PCDH12: variants seen among roughly 807,000 people sequenced by gnomAD.
PCDH12 encodes protocadherin 12.
Under a neutral mutation model 70.9 loss-of-function variants are expected in PCDH12, and 45 were observed. That is an observed-to-expected ratio of 0.63 (90% CI 0.50 to 0.81). PCDH12 has a LOEUF of 0.81. Ranked by LOEUF, PCDH12 falls within the 40% of genes least tolerant of loss-of-function variation. The pLI is 0.00. For synonymous variants in PCDH12, 567 were observed against 626.0 expected (o/e 0.91, Z 1.41); for missense variants, 1,370 against 1,491.7 (o/e 0.92, Z 1.34).
chr5:141,947,434 G>A (rs1035427292), intron 3 of PCDH12, among the ~76,000 whole-genome samples: 1 of 152,208 alleles, frequency 6.6e-6, no homozygotes, highest in Non-Finnish European at 1.5e-5. Context: ...AGCTTGGAAT[G>A]AGAAAATCAC....
In PCDH12 at chr5:141,951,527, C is replaced by G; in HGVS notation, c.2944G>C (p.Gly982Arg). The G allele has an allele frequency of 6.2e-7, 1 of 1,614,208 alleles. No homozygotes were observed. Among genetic ancestry groups the G allele is most frequent in the South Asian group, 1.1e-5 (1 of 91,080 alleles). The change falls in exon 2 of 4, where the codon GGA becomes CGA. Residue 982 changes from glycine to arginine, a missense_variant. Gly to Arg is a moderately radical substitution (Grantham distance 125). Transcript: ENST00000231484. The stretch of plus-strand genomic sequence containing the variant: ...CCTGGCTTGGCCAAGTACTTATTTC[C>G]TCGGTGGTTTGGTTTGGGCTGGAAT... ...GQFQPKPNHR[G>R]NKYLAKPGGS...
Position 141,949,445 on chromosome 5 carries a change from C to T in PCDH12, c.3117G>A (p.Leu1039=). The T allele has an allele frequency of 6.2e-7, 1 of 1,613,504 alleles. No individual in the cohort carries two copies. Among genetic ancestry groups the T allele is most frequent in the Non-Finnish European group, 8.5e-7 (1 of 1,179,662 alleles). ...QLLEEELSSL[L]DPSTGLALDR... ...GGGGGTCCCTACCTGTGCTGGGGTCCAGCAGACTTGACAGCTCTTCTTCTA... is the reference window on the plus strand; with the variant it reads ...GGGGGTCCCTACCTGTGCTGGGGTCTAGCAGACTTGACAGCTCTTCTTCTA... Residue 1039 remains leucine (L), a synonymous_variant, in exon 3 of 4, where the codon CTG becomes CTA. Coordinates refer to ENST00000231484, the MANE Select transcript of PCDH12 (RefSeq NM_016580.4).
At position 141,957,554 on chromosome 5, in the gene PCDH12, G is replaced by A; in HGVS notation, c.298C>T (p.Gln100Ter). ...RRLDREQLCR[Q>*]WDPCLVSFDV... ...AAGGAAACCAGGCAGGGATCCCACT[G>A]TCGGCACAGCTGCTCTCGATCCAGC... The change falls in exon 1 of 4, where the codon CAG (glutamine) becomes TAG (stop). Residue 100 changes from glutamine to a stop codon, truncating the protein, a stop_gained. Coordinates refer to ENST00000231484, the MANE Select transcript of PCDH12 (RefSeq NM_016580.4). LOFTEE classifies it high-confidence loss of function. This position sits in a 1 kb window ranked among gnomAD's most constrained non-coding sequence, Gnocchi z 4.3. The A allele has an allele frequency of 6.2e-7, 1 of 1,614,216 alleles. No individual in the cohort carries two copies. The highest frequency in any genetic ancestry group is 8.5e-7 in the Non-Finnish European group (1 of 1,180,048).
At chr5:141,952,861 A>G (rs1012589465) in intron 1 of PCDH12, 15 of 152,226 alleles carry the variant, frequency 9.9e-5, no homozygotes, top group African/African-American at 3.4e-4. Context: ...TCCTGGGTCC[A>G]TCCCCATTCC....
chr5:141,946,009 C>G (rs1261808790), intron 3 of PCDH12, among the ~76,000 whole-genome samples: 1 of 152,168 alleles, frequency 6.6e-6, no homozygotes, highest in African/African-American at 2.4e-5. Context: ...GACTGACACA[C>G]CCGGGCGAAC....
intron 3 of PCDH12, among the ~76,000 whole-genome samples, chr5:141,946,479 C>T (rs955144548): frequency 1.6e-4 from 24 of 152,208 alleles, no homozygotes; most frequent in Admixed American, 1.4e-3. Flanking sequence ...CACCACCCTA[C>T]CCTCTCTCTG....
rs773024219 is a variant in PCDH12, at chr5:141,951,540, T to C, written c.2931A>G (p.Lys977=). 3.7e-6 allele frequency: 6 copies of C among 1,614,100 alleles called. No individual in the cohort carries two copies. The highest frequency in any genetic ancestry group is 5.1e-6 in the Non-Finnish European group (6 of 1,180,042). ...AGTACTTATTTCCTCGGTGGTTTGG[T>C]TTGGGCTGGAATTGGCCCTGATGCA... ...SLLHQGQFQP[K]PNHRGNKYLA... is the part of the protein sequence containing the mutation. The change falls in exon 2 of 4, where the codon AAA becomes AAG. Residue 977 remains lysine, a synonymous_variant. Transcript: ENST00000231484.
intron 2 of PCDH12, 67 bp from the exon 3 acceptor site, chr5:141,949,650 T>A (rs1596642712): frequency 6.5e-7 from 1 of 1,550,280 alleles, no homozygotes; most frequent in Admixed American, 1.9e-5. Flanking sequence ...TTCATGCCCA[T>A]TCATGTTTGC....
At position 141,945,302 on chromosome 5, in the gene PCDH12, T is replaced by TA. The variant is rs1752878998; in HGVS notation, c.*78dup. 4 of 1,498,798 alleles carry TA rather than the reference T, an allele frequency of 2.7e-6. No individual in the cohort carries two copies. The South Asian group carries it at 5.3e-5, about 20-fold the overall frequency. The allele number at this position is 1,498,798 out of a possible 1,614,324, so 92.8% of individuals were successfully genotyped here. A position where few individuals can be genotyped will look rare whatever the true frequency, so the allele number is the denominator to read the frequency against. On this transcript the variant is annotated 3_prime_UTR_variant, in exon 4 of 4. Transcript: ENST00000231484. Reference sequence around the variant, plus strand: ...CTCAGGCCGCCGCTAGCTAGTGAGTTACAAGATTTTAGAAACCAGCTCTTG... The same window carrying TA: ...CTCAGGCCGCCGCTAGCTAGTGAGTTAACAAGATTTTAGAAACCAGCTCTTG...
chr5:141,957,005 G>A lies in PCDH12; in HGVS notation c.847C>T (p.Leu283Phe). 1 of 1,614,190 alleles carries A rather than the reference G, an allele frequency of 6.2e-7. No individual in the cohort carries two copies. The highest frequency in any genetic ancestry group is 8.5e-7 in the Non-Finnish European group (1 of 1,180,028). ...ACCTCTGGAGGCATGTGCTTACTGA[G>A]GAAGAACTCCACCTCCCCATTGGGG... The part of the protein sequence containing the change: ...QGPNGEVEFF[L>F]SKHMPPEVLD... The change falls in exon 1 of 4, where the codon CTC becomes TTC. Residue 283 changes from leucine (L) to phenylalanine (F), a missense_variant. Coordinates refer to ENST00000231484, the MANE Select transcript of PCDH12 (RefSeq NM_016580.4). The surrounding 1 kb of genome is among the most constrained non-coding windows in gnomAD (Gnocchi z 4.3).
intron 3 of PCDH12, among the ~76,000 whole-genome samples, chr5:141,946,511 C>A (rs989429821): frequency 6.6e-6 from 1 of 152,208 alleles, no homozygotes; most frequent in Non-Finnish European, 1.5e-5. Context: ...CTTCCTCCCC[C>A]TGGATACTCC....
In PCDH12 at chr5:141,955,572, G is replaced by T. The variant is rs756895774; in HGVS notation, c.2280C>A (p.Arg760=). The change falls in exon 1 of 4, where the codon CGC becomes CGA. Residue 760 remains arginine, a synonymous_variant. Coordinates refer to ENST00000231484, the MANE Select transcript of PCDH12 (RefSeq NM_016580.4). This position sits in a 1 kb window ranked among gnomAD's most constrained non-coding sequence, Gnocchi z 5.5. ...YNCREAESTY[R]QQPKRPQKHI... ...GTTTCTGGGGCCTCTTGGGCTGCTG[G>T]CGGTAGGTGGACTCGGCCTCCCGAC... 10 of 1,614,218 alleles carry T rather than the reference G, an allele frequency of 6.2e-6. No individual in the cohort carries two copies. The highest frequency in any genetic ancestry group is 8.5e-6 in the Non-Finnish European group (10 of 1,180,036).
chr5:141,955,655 G>A lies in PCDH12; in HGVS notation c.2197C>T (p.Leu733=). The A allele has an allele frequency of 1.9e-6, 3 of 1,614,146 alleles. No homozygotes were observed. Among genetic ancestry groups the A allele is most frequent in the Non-Finnish European group, 2.5e-6 (3 of 1,180,024 alleles). The change falls in exon 1 of 4, where the codon CTG becomes TTG. Residue 733 remains leucine (L), a synonymous_variant. Transcript: ENST00000231484. This position sits in a 1 kb window ranked among gnomAD's most constrained non-coding sequence, Gnocchi z 5.5. ...CGGCAGATGGACATGAACAAAGCCAGGATCAACCCGAAGATGCCCAACAGT... is the reference window on the plus strand; with the variant it reads ...CGGCAGATGGACATGAACAAAGCCAAGATCAACCCGAAGATGCCCAACAGT... ...AVLLGIFGLI[L]ALFMSICRTE... is the part of the protein sequence containing the mutation.
At chr5:141,946,470 A>C (rs1316229515) in intron 3 of PCDH12, among the ~76,000 whole-genome samples, 1 of 152,278 alleles carries the variant, frequency 6.6e-6, no homozygotes, top group East Asian at 1.9e-4. Context: ...CTATGATGGC[A>C]CCACCCTACC....
chr5:141,945,591 T>A lies in PCDH12; in HGVS notation c.3345A>T (p.Ser1115=). 6.2e-7 allele frequency: 1 copy of A among 1,614,128 alleles called. No individual in the cohort carries two copies. The highest frequency in any genetic ancestry group is 1.7e-5 in the Admixed American group (1 of 60,032). Residue 1115 remains serine (S), a synonymous_variant, in exon 4 of 4, where the codon TCA becomes TCT. Transcript: ENST00000231484. The part of the protein sequence containing the change: ...LASTFVSEMS[S]LLEMLLEQRS... ...GCTGTTCCAGCAGCATCTCCAGCAGTGAGCTCATCTCCGAGACAAAGGTGC... is the reference window on the plus strand; with the variant it reads ...GCTGTTCCAGCAGCATCTCCAGCAGAGAGCTCATCTCCGAGACAAAGGTGC...
Position 141,955,592 on chromosome 5 carries a change from C to T in PCDH12, c.2260G>A (p.Glu754Lys), listed in dbSNP as rs144320220. 38 of 1,614,076 alleles carry T rather than the reference C, an allele frequency of 2.4e-5. No homozygotes were observed. The African/African-American group carries it at 4.8e-4, about 20-fold the overall frequency. ...KKDNRAYNCREAESTYRQQPK... is the reference protein window; with the variant it reads ...KKDNRAYNCRKAESTYRQQPK... ...TGCTGGCGGTAGGTGGACTCGGCCT[C>T]CCGACAGTTGTAGGCCCTGTTGTCC... Residue 754 changes from glutamate (E) to lysine (K), a missense_variant, in exon 1 of 4, where the codon GAG becomes AAG. By Grantham distance (56) the Glu-to-Lys change is moderately conservative. Transcript: ENST00000231484. This position sits in a 1 kb window ranked among gnomAD's most constrained non-coding sequence, Gnocchi z 5.5.
At chr5:141,948,624 T>C (rs1561533465) in intron 3 of PCDH12, among the ~76,000 whole-genome samples, 1 of 152,192 alleles carries the variant, frequency 6.6e-6, no homozygotes, top group Non-Finnish European at 1.5e-5. Flanking sequence ...GTTCCCAGGG[T>C]GAAAGGGTAT....
intron 3 of PCDH12, among the ~76,000 whole-genome samples, chr5:141,948,713 A>C (rs1753005700): frequency 6.6e-6 from 1 of 152,114 alleles, no homozygotes; most frequent in African/African-American, 2.4e-5. Context: ...CCCTTCAATC[A>C]CTGGTGAGCT....
chr5:141,952,371 A>G (rs111875581), intron 1 of PCDH12: 8 of 152,326 alleles, frequency 5.3e-5, no homozygotes, highest in African/African-American at 1.7e-4. Context: ...ATTCATTTCA[A>G]CAGATGTTAC....
Sources: allele counts gnomAD v4.1 joint callset (sites outside exome capture counted in the v4.1 genomes callset), GRCh38; gene constraint gnomAD v4.1.1; non-coding constraint Gnocchi (gnomAD v3.1); transcripts MANE v1.5; gene names NCBI Gene and HGNC (gene_info 2026-07-23, HGNC 2026-07-21).